The following CXCL13 variants were observed in gnomAD, a reference collection of about 807,000 sequenced individuals.
CXCL13 encodes C-X-C motif chemokine ligand 13.
Under a neutral mutation model 12.2 loss-of-function variants are expected in CXCL13, and 7 were observed. That is an observed-to-expected ratio of 0.57 (90% CI 0.33 to 1.07). The LOEUF (loss-of-function observed/expected upper bound fraction) is 1.07, where lower values mean the gene tolerates loss of function less well. Among genes scored for constraint, CXCL13 ranks in the 50% least tolerant of loss-of-function variants. CXCL13 has a pLI of 0.04. For synonymous variants in CXCL13, 47 were observed against 42.4 expected (o/e 1.11, Z -0.42); for missense variants, 113 against 127.4 (o/e 0.89, Z 0.55).
intron 1 of CXCL13, among the ~76,000 whole-genome samples, chr4:77,518,060 G>C (rs560675855): frequency 6.6e-6 from 1 of 152,210 alleles, no homozygotes; most frequent in East Asian, 1.9e-4. Flanking sequence ...ATGAAGCTTA[G>C]TTTGGCTGGA....
At chr4:77,598,449 G>A (rs531180148) in intron 1 of CXCL13, among the ~76,000 whole-genome samples, 1 of 152,220 alleles carries the variant, frequency 6.6e-6, no homozygotes, top group African/African-American at 2.4e-5. Context: ...AGAACAACCA[G>A]ACTATGCTTT....
rs181616393 is a variant in CXCL13 at position 77,546,881 on chromosome 4, C to A, written c.-43+35093C>A. ...TGCTTTCTCTTATGGGCATTTAGTG[C>A]TATAAATTTCCCTCTACATACTGCT... On this transcript the variant is annotated intron_variant, in intron 1 of 4. Transcript: ENST00000286758. Among the ~76,000 whole-genome samples, 632 of 152,296 alleles carry A rather than the reference C, an allele frequency of 4.1e-3. 5 individuals carry two copies. The highest frequency in any genetic ancestry group is 5.4e-3 in the Non-Finnish European group (366 of 68,034).
intron 1 of CXCL13, among the ~76,000 whole-genome samples, chr4:77,595,980 CCAAA>C (rs1726741365): frequency 6.6e-6 from 1 of 152,200 alleles, no homozygotes; most frequent in Non-Finnish European, 1.5e-5. Flanking sequence ...TCCCATGGGT[CCAAA>C]CAGTCTTTCA....
At chr4:77,526,021 G>A (rs1724755717) in intron 1 of CXCL13, among the ~76,000 whole-genome samples, 1 of 150,968 alleles carries the variant, frequency 6.6e-6, no homozygotes, top group Admixed American at 6.6e-5. Context: ...CAATGAAAAA[G>A]CATTTAAAAA....
intron 1 of CXCL13, among the ~76,000 whole-genome samples, chr4:77,590,390 G>A (rs2109830412): frequency 6.6e-6 from 1 of 152,338 alleles, no homozygotes; most frequent in South Asian, 2.1e-4. Flanking sequence ...GGGATTCACA[G>A]AGGCAGTTTA....
Position 77,519,591 on chromosome 4 carries a change from T to G in CXCL13, c.-43+7803T>G, listed in dbSNP as rs939122308. On this transcript the variant is annotated intron_variant, in intron 1 of 4. Transcript: ENST00000286758. The stretch of plus-strand genomic sequence containing the variant: ...TTTTTTTCTCATGAATTTGTTTGAG[T>G]TCTTTGTAGATTCTGGATATTAGCC... 6.6e-5 allele frequency among the ~76,000 whole-genome samples: 10 copies of G among 152,334 alleles called. No individual in the cohort carries two copies. In the East Asian group the frequency reaches 1.9e-3, roughly 29 times the overall value.
At chr4:77,576,844 C>G (rs1015947514) in intron 1 of CXCL13, among the ~76,000 whole-genome samples, 12 of 152,212 alleles carry the variant, frequency 7.9e-5, no homozygotes, top group Non-Finnish European at 1.2e-4. Context: ...TTGCAAACAA[C>G]TCCGTCCTAT....
chr4:77,604,697 G>A (rs1022733847), upstream of CXCL13, among the ~76,000 whole-genome samples: 4 of 152,128 alleles, frequency 2.6e-5, no homozygotes, highest in Admixed American at 1.3e-4. Context: ...AACTGCTTTT[G>A]TGTGAAGGTT....
intron 1 of CXCL13, among the ~76,000 whole-genome samples, chr4:77,542,099 G>A (rs536326912): frequency 9.9e-5 from 15 of 152,072 alleles, no homozygotes; most frequent in Non-Finnish European, 1.9e-4. Flanking sequence ...TCAGCTCCAG[G>A]AGCCTTTTGA....
chr4:77,539,279 A>G (rs17002717), intron 1 of CXCL13, among the ~76,000 whole-genome samples: 4,283 of 152,126 alleles, frequency 0.028, 204 homozygotes, highest in African/African-American at 0.098. Context: ...CATAAAAACT[A>G]CACACCCAGC....
intron 1 of CXCL13, among the ~76,000 whole-genome samples, chr4:77,521,029 G>A (rs1373645262): frequency 6.6e-6 from 1 of 152,120 alleles, no homozygotes; most frequent in Non-Finnish European, 1.5e-5. Flanking sequence ...TTATTGATTT[G>A]CGTATGTTGA....
intron 1 of CXCL13, among the ~76,000 whole-genome samples, chr4:77,542,088 A>T (rs1400225254): frequency 1.3e-5 from 2 of 152,130 alleles, no homozygotes; most frequent in Admixed American, 6.6e-5. Context: ...GAGGTCATTT[A>T]TCAGCTCCAG....
At position 77,611,256 on chromosome 4, in the gene CXCL13, CAGGG is replaced by C. The variant is rs1560540003; in HGVS notation, c.*221_*224del. On this transcript the variant is annotated 3_prime_UTR_variant, in exon 4 of 4. Transcript: ENST00000682537. Reference sequence around the variant, plus strand: ...ACTTGGAGTTTGCATTCTTATTCATCAGGGAGGAAAGTTTCTTTGAAAATAGTTA... The same window carrying C: ...ACTTGGAGTTTGCATTCTTATTCATCAGGAAAGTTTCTTTGAAAATAGTTA... The C allele has an allele frequency of 2.3e-6, 1 of 430,356 alleles. No homozygotes were observed. Among genetic ancestry groups the C allele is most frequent in the Non-Finnish European group, 4.1e-6 (1 of 243,354 alleles). 26.7% of individuals were successfully genotyped at this position (430,356 alleles called of 1,614,324 possible).
chr4:77,571,086 G>C (rs1346482466), intron 1 of CXCL13, among the ~76,000 whole-genome samples: 1 of 152,148 alleles, frequency 6.6e-6, no homozygotes, highest in East Asian at 1.9e-4. Flanking sequence ...TCCATCTGCA[G>C]CCCCGGTGTG....
intron 1 of CXCL13, among the ~76,000 whole-genome samples, chr4:77,512,189 T>C (rs181815257): frequency 6.6e-6 from 1 of 152,260 alleles, no homozygotes; most frequent in Non-Finnish European, 1.5e-5. Context: ...GCTTGCTGCC[T>C]CTTTAATTCT....
chr4:77,542,144 A>G (rs1725219195), intron 1 of CXCL13, among the ~76,000 whole-genome samples: 1 of 152,152 alleles, frequency 6.6e-6, no homozygotes. Flanking sequence ...ATAGAATCAT[A>G]TCATCAGAGA....
intron 1 of CXCL13, among the ~76,000 whole-genome samples, chr4:77,560,774 T>C (rs1355892590): frequency 6.6e-6 from 1 of 152,220 alleles, no homozygotes; most frequent in Non-Finnish European, 1.5e-5. Flanking sequence ...GTATTGTACA[T>C]AGGAGACATT....
chr4:77,512,918 T>C (rs376787142), intron 1 of CXCL13, among the ~76,000 whole-genome samples: 37 of 152,274 alleles, frequency 2.4e-4, no homozygotes, highest in African/African-American at 8.7e-4. Context: ...CCTAATGCTA[T>C]ACCTCACCAC....
upstream of CXCL13, among the ~76,000 whole-genome samples, chr4:77,604,279 C>G (rs78428780): frequency 6.7e-3 from 1,026 of 152,262 alleles, 15 homozygotes; most frequent in African/African-American, 0.024. Context: ...CCCCACTGAG[C>G]TGTTGTAGAC....
Sources: gnomAD v4.1 joint callset for allele counts (sites outside exome capture counted in the v4.1 genomes callset) on GRCh38, gnomAD v4.1.1 for gene constraint, MANE v1.5 for transcripts, NCBI Gene and HGNC (gene_info 2026-07-23, HGNC 2026-07-21) for gene names.